The following NTAQ1 variants were observed in gnomAD, a reference collection of about 807,000 sequenced individuals.
NTAQ1 encodes the protein protein N-terminal glutamine amidohydrolase.
NTAQ1 carries 21 observed loss-of-function variants against 28.2 expected under a neutral mutation model. That is an observed-to-expected ratio of 0.74 (90% CI 0.53 to 1.07). The LOEUF (loss-of-function observed/expected upper bound fraction) is 1.07, where lower values mean the gene tolerates loss of function less well. Among genes scored for constraint, NTAQ1 ranks in the 50% least tolerant of loss-of-function variants. The probability of loss-of-function intolerance (pLI) is 0.00; values close to 1 mark genes in which losing one functional copy is unlikely to be tolerated. For missense variants in NTAQ1, 264 were observed against 256.6 expected, an observed-to-expected ratio of 1.03 and a Z score of -0.20; for synonymous variants, 105 against 90.0, an observed-to-expected ratio of 1.17 and a Z score of -0.94.
chr8:123,468,689 G>A (rs1816009567), exon 7 of NTAQ1, among the ~76,000 whole-genome samples: 1 of 152,190 alleles, frequency 6.6e-6, no homozygotes, highest in African/African-American at 2.4e-5. Context: ...ATCTCTGTGA[G>A]ATCTTGTTTT....
intron 2 of NTAQ1, 57 bp downstream of exon 2, chr8:123,428,080 C>G: frequency 8.4e-7 from 1 of 1,189,052 alleles, no homozygotes; most frequent in Non-Finnish European, 1.1e-6. Context: ...ACATTAGAAG[C>G]TAAATTAAAA....
At chr8:123,427,878 A>G (rs762773455) in intron 1 of NTAQ1, 46 bp from the exon 2 acceptor site, 2 of 1,470,818 alleles carry the variant, frequency 1.4e-6, no homozygotes, top group Non-Finnish European at 1.9e-6. Flanking sequence ...TTTAAAAGAC[A>G]CATAGAATGT....
chr8:123,422,558 C>T (rs1164773555), intron 1 of NTAQ1, among the ~76,000 whole-genome samples: 5 of 150,874 alleles, frequency 3.3e-5, no homozygotes, highest in South Asian at 2.1e-4. Context: ...ATTACAAGCA[C>T]GAGCCTCACC....
downstream of NTAQ1, among the ~76,000 whole-genome samples, chr8:123,450,222 G>C (rs961372232): frequency 1.3e-5 from 2 of 151,436 alleles, no homozygotes; most frequent in African/African-American, 4.9e-5. Flanking sequence ...AAAGGAGAAA[G>C]TGGTATTAGA....
exon 7 of NTAQ1, among the ~76,000 whole-genome samples, chr8:123,468,413 G>A (rs1281271810): frequency 6.6e-6 from 1 of 152,000 alleles, no homozygotes; most frequent in African/African-American, 2.4e-5. Context: ...TCTACTTTCT[G>A]TTTCTATCAG....
At chr8:123,420,072 C>T (rs1254199463) in intron 1 of NTAQ1, among the ~76,000 whole-genome samples, 1 of 152,026 alleles carries the variant, frequency 6.6e-6, no homozygotes, top group African/African-American at 2.4e-5. Context: ...CTGTCACCCT[C>T]TACCCTCAAG....
Position 123,441,544 on chromosome 8 carries a change from T to A in NTAQ1, c.*129T>A. The A allele has an allele frequency of 1.3e-6, 1 of 767,800 alleles. No individual in the cohort carries two copies. The highest frequency in any genetic ancestry group is 2.1e-6 in the Non-Finnish European group (1 of 467,330). The allele number at this position is 767,800 out of a possible 1,614,324, so 47.6% of individuals were successfully genotyped here. On this transcript the variant is annotated 3_prime_UTR_variant, in exon 6 of 6. Coordinates refer to ENST00000287387, the MANE Select transcript of NTAQ1 (RefSeq NM_018024.3). ...GTCTTTCTCTTTTAATTTGATTGAG[T>A]GGAAATCTGAGTGAATACAAATATA...
intron 2 of NTAQ1, 132 bp downstream of exon 2, chr8:123,428,155 A>G: frequency 1.7e-6 from 1 of 594,944 alleles, no homozygotes. Context: ...AAATACAGCA[A>G]CATTTAAAAG....
intron 1 of NTAQ1, among the ~76,000 whole-genome samples, chr8:123,425,049 T>C (rs4871375): frequency 0.91 from 137,891 of 152,160 alleles, 62,609 homozygotes; most frequent in East Asian, 0.99. Flanking sequence ...GAAATTTTAT[T>C]GTGACGTAAT....
At chr8:123,418,232 CTT>C (rs1178610067) in intron 1 of NTAQ1, among the ~76,000 whole-genome samples, 1 of 152,146 alleles carries the variant, frequency 6.6e-6, no homozygotes, top group Non-Finnish European at 1.5e-5. Flanking sequence ...GGGCGGATCT[CTT>C]GAGGCCAGGA....
In NTAQ1 at chr8:123,416,809, C is replaced by T. The variant is rs950015749; in HGVS notation, c.-41C>T. The T allele has an allele frequency of 1.3e-6, 2 of 1,508,234 alleles. No individual in the cohort carries two copies. Among genetic ancestry groups the T allele is most frequent in the Non-Finnish European group, 1.8e-6 (2 of 1,128,020 alleles). 93.4% of individuals were successfully genotyped at this position (1,508,234 alleles called of 1,614,324 possible). Reference sequence around the variant, plus strand: ...CGCCCTTTCCTACGTCTGGTCCAGTCGGTCTTCCTCCGGCCCGGGCCCTGG... The same window carrying T: ...CGCCCTTTCCTACGTCTGGTCCAGTTGGTCTTCCTCCGGCCCGGGCCCTGG... On this transcript the variant is annotated 5_prime_UTR_variant, in exon 1 of 6. Transcript: ENST00000287387.
rs750799018 is a variant in NTAQ1 at position 123,437,309 on chromosome 8, G to A, written c.483G>A (p.Pro161=). The change falls in exon 5 of 6, where the codon CCG becomes CCA. Residue 161 remains proline, a synonymous_variant. Coordinates refer to ENST00000287387, the MANE Select transcript of NTAQ1 (RefSeq NM_018024.3). ...DSSGNWREPP[P]PYPCIETGDS... ...GTGGGAATTGGAGAGAGCCTCCGCC[G>A]CCATATCCCTGCATTGAGACTGGAG... 13 of 1,613,904 alleles carry A rather than the reference G, an allele frequency of 8.1e-6. No homozygotes were observed. The highest frequency in any genetic ancestry group is 8.0e-5 in the African/African-American group (6 of 74,908).
chr8:123,439,223 G>A (rs921141066), intron 5 of NTAQ1, among the ~76,000 whole-genome samples: 3 of 151,824 alleles, frequency 2.0e-5, no homozygotes, highest in South Asian at 4.1e-4. Flanking sequence ...TTGTTGCCCA[G>A]GCTGGAGTGC....
intron 1 of NTAQ1, among the ~76,000 whole-genome samples, chr8:123,421,808 C>T (rs1473819089): frequency 6.6e-6 from 1 of 151,776 alleles, no homozygotes; most frequent in Non-Finnish European, 1.5e-5. Flanking sequence ...CCTGCCTCAG[C>T]CTCCCGAGTA....
chr8:123,456,230 C>T (rs796859091), intron 6 of NTAQ1, among the ~76,000 whole-genome samples: 2 of 152,114 alleles, frequency 1.3e-5, no homozygotes, highest in Non-Finnish European at 2.9e-5. Context: ...AATGATCATC[C>T]AGCTTGTTCC....
chr8:123,439,362 A>G (rs1215989418), intron 5 of NTAQ1, among the ~76,000 whole-genome samples: 3 of 74,684 alleles, frequency 4.0e-5, no homozygotes, highest in Non-Finnish European at 5.5e-5. Context: ...TTTTTTTTTG[A>G]GACGGAGTCT....
chr8:123,422,358 C>G (rs1226867080), intron 1 of NTAQ1, among the ~76,000 whole-genome samples: 1 of 151,454 alleles, frequency 6.6e-6, no homozygotes, highest in African/African-American at 2.4e-5. Flanking sequence ...TCATTGCAGA[C>G]TTGACCTCCC....
At chr8:123,440,543 A>T (rs1415561656) in intron 5 of NTAQ1, among the ~76,000 whole-genome samples, 1 of 145,744 alleles carries the variant, frequency 6.9e-6, no homozygotes, top group African/African-American at 2.6e-5. Flanking sequence ...TCTGTTGCCC[A>T]GGCTGGAGTG....
rs192136553 is a variant in NTAQ1, at chr8:123,455,314, G to T, written c.373-11765G>T. On this transcript the variant is annotated intron_variant, in intron 6 of 6. Transcript: ENST00000650311. ...TAAACATGGGCACTGTCGGTGACTT[G>T]CACAGAGGAGTCAGTCCACATCCTG... 2.4e-4 allele frequency among the ~76,000 whole-genome samples: 37 copies of T among 152,150 alleles called. No homozygotes were observed. In the East Asian group the frequency reaches 5.6e-3, roughly 23 times the overall value.
Sources: gnomAD v4.1 joint callset for allele counts (sites outside exome capture counted in the v4.1 genomes callset) on GRCh38, gnomAD v4.1.1 for gene constraint, MANE v1.5 for transcripts, NCBI Gene and HGNC (gene_info 2026-07-23, HGNC 2026-07-21) for gene names.